ERC2: variants seen among roughly 807,000 people sequenced by gnomAD.
ERC2 encodes ELKS/RAB6-interacting/CAST family member 2.
In ERC2, 42 loss-of-function variants were observed where a neutral mutation model predicts 114.8. The ratio of observed to expected loss-of-function variants is 0.37; its 90% CI spans 0.29 to 0.47. The LOEUF (loss-of-function observed/expected upper bound fraction) is 0.47, where lower values mean the gene tolerates loss of function less well. Ranked by LOEUF, ERC2 falls within the 20% of genes least tolerant of loss-of-function variation. The pLI, the probability that ERC2 is intolerant of heterozygous loss-of-function variation, is 0.99. For synonymous variants in ERC2, 454 were observed against 425.5 expected (o/e 1.07, Z -0.82); for missense variants, 939 against 1,150.7 (o/e 0.82, Z 2.66).
chr3:55,888,564 G>C lies in ERC2; in HGVS notation c.2404-15C>G. On this transcript the variant is annotated splice_polypyrimidine_tract_variant and intron_variant, in intron 13 of 17. Transcript: ENST00000288221. The stretch of plus-strand genomic sequence containing the variant: ...AGTTCCTCTATCTGAAAGGCACATG[G>C]AGCTCTGTGTGTTATTTCTCCTTCA... 1.2e-6 allele frequency: 2 copies of C among 1,613,114 alleles called. No homozygotes were observed. Among genetic ancestry groups the C allele is most frequent in the Non-Finnish European group, 1.7e-6 (2 of 1,179,250 alleles).
chr3:55,974,098 A>G (rs1436483574), intron 12 of ERC2, among the ~76,000 whole-genome samples: 1 of 152,214 alleles, frequency 6.6e-6, no homozygotes, highest in African/African-American at 2.4e-5. Flanking sequence ...TATCAGGCAT[A>G]CCGACAAAGT....
chr3:56,375,547 C>A (rs1416169812), intron 2 of ERC2, among the ~76,000 whole-genome samples: 1 of 152,182 alleles, frequency 6.6e-6, no homozygotes, highest in Non-Finnish European at 1.5e-5. Flanking sequence ...AGGCATGGTT[C>A]CTGCCCTCAT....
At chr3:56,377,999 G>T (rs1429294186) in intron 2 of ERC2, among the ~76,000 whole-genome samples, 1 of 152,156 alleles carries the variant, frequency 6.6e-6, no homozygotes. Context: ...TGAGTCACCA[G>T]ATCACAAAAC....
intron 7 of ERC2, among the ~76,000 whole-genome samples, chr3:56,044,946 T>C (rs531438543): frequency 2.0e-5 from 3 of 152,276 alleles, no homozygotes; most frequent in Non-Finnish European, 4.4e-5. Context: ...TCCTTCATGC[T>C]AAATGTTCTG....
chr3:55,862,697 G>C (rs932510036), intron 14 of ERC2, among the ~76,000 whole-genome samples: 1 of 152,116 alleles, frequency 6.6e-6, no homozygotes, highest in Non-Finnish European at 1.5e-5. Context: ...GATTTACTTG[G>C]ACCTATTTAA....
chr3:55,980,543 A>G (rs2070037200), intron 12 of ERC2, among the ~76,000 whole-genome samples: 1 of 152,230 alleles, frequency 6.6e-6, no homozygotes, highest in African/African-American at 2.4e-5. Context: ...GAAAAGCCAT[A>G]TAAAGGAAAT....
intron 17 of ERC2, among the ~76,000 whole-genome samples, chr3:55,651,960 T>C (rs1441144509): frequency 6.6e-6 from 1 of 152,250 alleles, no homozygotes; most frequent in Non-Finnish European, 1.5e-5. Context: ...CAAAGCCTGC[T>C]TGGTCAGCAA....
intron 2 of ERC2, among the ~76,000 whole-genome samples, chr3:56,401,851 T>C (rs1844785): frequency 0.39 from 58,720 of 152,016 alleles, 11,748 homozygotes; most frequent in Admixed American, 0.51. Flanking sequence ...GTTCTCACAC[T>C]GCTAATACAT....
intron 14 of ERC2, among the ~76,000 whole-genome samples, chr3:55,841,100 T>A (rs1575800360): frequency 6.6e-6 from 1 of 152,326 alleles, no homozygotes; most frequent in East Asian, 1.9e-4. Context: ...GAAATATGTA[T>A]AATTTATTGT....
intron 6 of ERC2, among the ~76,000 whole-genome samples, chr3:56,130,500 T>C (rs1054431606): frequency 6.6e-6 from 1 of 152,206 alleles, no homozygotes; most frequent in Non-Finnish European, 1.5e-5. Context: ...CACCTGTGTT[T>C]ATAAAGTCAA....
intron 7 of ERC2, among the ~76,000 whole-genome samples, chr3:56,043,106 A>G (rs936092613): frequency 6.6e-6 from 1 of 152,196 alleles, no homozygotes; most frequent in Non-Finnish European, 1.5e-5. Flanking sequence ...GAGCCCGCAA[A>G]ATGAAAAAAA....
At chr3:56,453,554 T>C (rs907096543) in intron 1 of ERC2, among the ~76,000 whole-genome samples, 1 of 152,236 alleles carries the variant, frequency 6.6e-6, no homozygotes. Context: ...TTATCTCTCA[T>C]TTCTCTCTTC....
intron 2 of ERC2, among the ~76,000 whole-genome samples, chr3:56,360,165 C>T (rs1336608567): frequency 5.0e-5 from 7 of 139,870 alleles, no homozygotes; most frequent in South Asian, 2.4e-4. Context: ...CCTGGGTTTA[C>T]GCCATTCTTG....
intron 12 of ERC2, among the ~76,000 whole-genome samples, chr3:55,951,099 C>T (rs945668567): frequency 5.3e-5 from 8 of 152,152 alleles, no homozygotes; most frequent in Non-Finnish European, 1.0e-4. Flanking sequence ...TGGAAGGCTG[C>T]AGTGAGGCTA....
intron 13 of ERC2, among the ~76,000 whole-genome samples, chr3:55,946,145 T>A (rs902159192): frequency 3.9e-5 from 6 of 151,926 alleles, no homozygotes; most frequent in African/African-American, 1.5e-4. Flanking sequence ...TGTGAATCTC[T>A]GGAAAGACAC....
intron 14 of ERC2, among the ~76,000 whole-genome samples, chr3:55,874,911 G>A (rs1186837243): frequency 6.6e-6 from 1 of 152,126 alleles, no homozygotes; most frequent in Non-Finnish European, 1.5e-5. Context: ...AGCTGCTATG[G>A]CCAGAGATGT....
intron 7 of ERC2, among the ~76,000 whole-genome samples, chr3:56,041,333 A>G (rs1486365308): frequency 1.3e-5 from 2 of 152,120 alleles, no homozygotes; most frequent in Non-Finnish European, 2.9e-5. Context: ...TATCACTGCT[A>G]GGGGCAGAGA....
At chr3:56,032,836 T>C (rs1012999289) in intron 7 of ERC2, among the ~76,000 whole-genome samples, 11 of 125,846 alleles carry the variant, frequency 8.7e-5, no homozygotes, top group Non-Finnish European at 8.6e-5. Context: ...ACCCTGTCTG[T>C]TGGAAGAACA....
chr3:56,154,679 G>A (rs537165498), intron 4 of ERC2, among the ~76,000 whole-genome samples: 9 of 152,242 alleles, frequency 5.9e-5, no homozygotes, highest in East Asian at 3.9e-4. Flanking sequence ...CAGACAGACC[G>A]CACATGAAGA....
Sources: allele counts gnomAD v4.1 joint callset (sites outside exome capture counted in the v4.1 genomes callset), GRCh38; gene constraint gnomAD v4.1.1; transcripts MANE v1.5; gene names NCBI Gene and HGNC (gene_info 2026-07-23, HGNC 2026-07-21).